Variants in SCML2 observed in about 807,000 individuals in gnomAD.
The protein encoded by SCML2 is Scm polycomb group protein like 2.
SCML2 carries 6 observed loss-of-function variants against 48.4 expected under a neutral mutation model. That is an observed-to-expected ratio of 0.12 (90% CI 0.07 to 0.24). SCML2 has a LOEUF of 0.24. SCML2 is among the 10% of genes least tolerant of loss of function. The probability of loss-of-function intolerance (pLI) is 1.00; values close to 1 mark genes in which losing one functional copy is unlikely to be tolerated. For synonymous variants in SCML2, 181 were observed against 189.5 expected (o/e 0.95, Z 0.37); for missense variants, 377 against 528.2 (o/e 0.71, Z 2.81).
At chrX:18,294,676 T>C (rs1928333841) in intron 7 of SCML2, among the ~76,000 whole-genome samples, 1 of 110,577 alleles carries the variant, frequency 9.0e-6, no homozygotes, top group South Asian at 4.0e-4. Flanking sequence ...CCCAGAGGGC[T>C]GCAGTGGCAC....
Position 18,296,877 on chromosome X carries a change from G to A in SCML2, c.730+8095C>T, listed in dbSNP as rs145914542. On this transcript the variant is annotated intron_variant, in intron 7 of 14. Coordinates refer to ENST00000251900, the MANE Select transcript of SCML2 (RefSeq NM_006089.3). ...CTATTTCAAAAAATTGAAGAGGTGAGAATTCTCCTTAACTCATTCTACAAG... is the reference window on the plus strand; with the variant it reads ...CTATTTCAAAAAATTGAAGAGGTGAAAATTCTCCTTAACTCATTCTACAAG... 4.9e-3 allele frequency among the ~76,000 whole-genome samples: 543 copies of A among 110,553 alleles called. 2 individuals are homozygous for A. Among genetic ancestry groups the A allele is most frequent in the African/African-American group, 0.017 (503 of 30,438 alleles).
Position 18,307,936 on chromosome X carries a change from AT to A in SCML2, c.487-2722del, listed in dbSNP as rs1454843656. 3.8e-4 allele frequency among the ~76,000 whole-genome samples: 42 copies of A among 110,680 alleles called. 1 individual carries two copies. Among genetic ancestry groups the A allele is most frequent in the African/African-American group, 1.2e-3 (37 of 30,445 alleles). On this transcript the variant is annotated intron_variant, in intron 6 of 14. Coordinates refer to ENST00000251900, the MANE Select transcript of SCML2 (RefSeq NM_006089.3). Reference sequence around the variant, plus strand: ...TGGTGGAACCCCGTCTCTACTAAAAATACAAAAATTAGCCAGGTGTGGTGGT... The same window carrying A: ...TGGTGGAACCCCGTCTCTACTAAAAAACAAAAATTAGCCAGGTGTGGTGGT...
At chrX:18,331,765 A>T (rs1873548333) in intron 2 of SCML2, among the ~76,000 whole-genome samples, 1 of 111,336 alleles carries the variant, frequency 9.0e-6, no homozygotes, top group South Asian at 3.7e-4. Flanking sequence ...TCTCGTTTTT[A>T]TTCTTCCCCT....
intron 7 of SCML2, among the ~76,000 whole-genome samples, chrX:18,293,155 A>G (rs1403606736): frequency 8.9e-6 from 1 of 112,058 alleles, no homozygotes; most frequent in Non-Finnish European, 1.9e-5. Flanking sequence ...ATTAGAATGA[A>G]AAATAATTAG....
At chrX:18,294,560 C>G (rs755007909) in intron 7 of SCML2, among the ~76,000 whole-genome samples, 41 of 110,978 alleles carry the variant, frequency 3.7e-4, no homozygotes, top group African/African-American at 1.3e-3. Context: ...TGTAGCACAG[C>G]GCCATTCTGA....
chrX:18,280,839 C>G (rs1188409162), intron 7 of SCML2, among the ~76,000 whole-genome samples: 1 of 111,915 alleles, frequency 8.9e-6, no homozygotes, highest in African/African-American at 3.3e-5. Flanking sequence ...AACACTGGAG[C>G]ACCCAGATTC....
chrX:18,291,058 G>A (rs1308604259), intron 7 of SCML2, among the ~76,000 whole-genome samples: 1 of 111,909 alleles, frequency 8.9e-6, no homozygotes, highest in Non-Finnish European at 1.9e-5. Context: ...GGAGCACGTT[G>A]AAAACGGAAA....
Position 18,251,309 on chromosome X carries a change from C to CAAA in SCML2, c.1457-3430_1457-3428dup, listed in dbSNP as rs750658948. ...TGGGTAACAGAGCAAGATTCCATTGCAAAAAAAAAAAAAAAAAAAAAAAAA... is the reference window on the plus strand; with the variant it reads ...TGGGTAACAGAGCAAGATTCCATTGCAAAAAAAAAAAAAAAAAAAAAAAAAAAA... On this transcript the variant is annotated intron_variant, in intron 11 of 14. Transcript: ENST00000251900. 5.9e-4 allele frequency among the ~76,000 whole-genome samples: 4 copies of CAAA among 6,772 alleles called. 1 individual carries two copies. Among genetic ancestry groups the CAAA allele is most frequent in the African/African-American group, 3.0e-3 (4 of 1,321 alleles). The allele number at this position is 6,772 out of a possible 115,157, so 5.9% of individuals were successfully genotyped here.
chrX:18,336,659 C>G (rs1247099494), intron 1 of SCML2, among the ~76,000 whole-genome samples: 4 of 110,098 alleles, frequency 3.6e-5, no homozygotes, highest in Admixed American at 9.7e-5. Context: ...ATGATGTGAA[C>G]CCGGGAGGCG....
At chrX:18,308,140 T>C (rs1471580582) in intron 6 of SCML2, among the ~76,000 whole-genome samples, 1 of 104,034 alleles carries the variant, frequency 9.6e-6, no homozygotes, top group Non-Finnish European at 2.0e-5. Context: ...ATGCCTGTAG[T>C]CCCAGCTACT....
intron 1 of SCML2, among the ~76,000 whole-genome samples, chrX:18,348,958 T>C (rs1220526085): frequency 8.9e-6 from 1 of 111,979 alleles, no homozygotes; most frequent in Non-Finnish European, 1.9e-5. Flanking sequence ...ACTTTGTCAA[T>C]ACACTTAAAA....
chrX:18,249,218 G>A (rs1406391660), intron 11 of SCML2, among the ~76,000 whole-genome samples: 1 of 111,725 alleles, frequency 9.0e-6, no homozygotes, highest in Non-Finnish European at 1.9e-5. Flanking sequence ...AAGTGTTTAA[G>A]AAAAATGGAT....
At chrX:18,276,052 A>G (rs1464125741) in intron 7 of SCML2, among the ~76,000 whole-genome samples, 1 of 112,076 alleles carries the variant, frequency 8.9e-6, no homozygotes, top group Admixed American at 9.4e-5. Flanking sequence ...TAATCCCAGC[A>G]CTCTGGGAGG....
chrX:18,334,560 G>A (rs959392509), intron 1 of SCML2, among the ~76,000 whole-genome samples: 4 of 111,694 alleles, frequency 3.6e-5, no homozygotes, highest in African/African-American at 1.3e-4. Flanking sequence ...AATTATGACC[G>A]TGTTGGGAAA....
At chrX:18,242,792 A>G (rs747496070) in intron 13 of SCML2, among the ~76,000 whole-genome samples, 3 of 111,728 alleles carry the variant, frequency 2.7e-5, no homozygotes, top group Admixed American at 9.5e-5. Flanking sequence ...GACCTCCCCC[A>G]AACAACAAAA....
intron 7 of SCML2, among the ~76,000 whole-genome samples, chrX:18,302,958 C>A (rs1357550536): frequency 9.0e-6 from 1 of 111,565 alleles, no homozygotes; most frequent in Non-Finnish European, 1.9e-5. Flanking sequence ...TCACAATTGT[C>A]TGAAAACAGA....
chrX:18,267,606 G>T (rs1419114491), intron 7 of SCML2, among the ~76,000 whole-genome samples: 3 of 101,229 alleles, frequency 3.0e-5, no homozygotes, highest in Non-Finnish European at 6.0e-5. Flanking sequence ...TTTTTTTTGA[G>T]ACGGAGTCTT....
intron 7 of SCML2, among the ~76,000 whole-genome samples, chrX:18,281,127 A>T (rs1602101731): frequency 1.8e-5 from 2 of 111,695 alleles, no homozygotes. Flanking sequence ...AATAAAACTA[A>T]AAAAAACTGA....
chrX:18,258,157 G>C lies in SCML2; in HGVS notation c.1160C>G (p.Pro387Arg), dbSNP rs1228987621. Residue 387 changes from proline (P) to arginine (R), a missense_variant, in exon 10 of 15, where the codon CCG (proline) becomes CGG (arginine). Pro to Arg is a moderately radical substitution (Grantham distance 103). Coordinates refer to ENST00000251900, the MANE Select transcript of SCML2 (RefSeq NM_006089.3). ...AATCCGGCGAAGCACCACATTCACC[G>C]GGCCCGGGCCGAAGTGGTCAGGCAG... is the stretch of plus-strand genomic sequence containing the variant. ...QQLPDHFGPG[P>R]VNVVLRRIVQ... 1.7e-6 allele frequency: 2 copies of C among 1,209,571 alleles called. No homozygotes were observed. The highest frequency in any genetic ancestry group is 1.1e-6 in the Non-Finnish European group (1 of 894,788).
Sources: gnomAD v4.1 joint callset for allele counts (sites outside exome capture counted in the v4.1 genomes callset) on GRCh38, gnomAD v4.1.1 for gene constraint, MANE v1.5 for transcripts, NCBI Gene and HGNC (gene_info 2026-07-23, HGNC 2026-07-21) for gene names.